TENM4: variants seen among roughly 807,000 people sequenced by gnomAD.
TENM4 encodes the protein teneurin transmembrane protein 4, also known as teneurin-4.
In TENM4, 82 loss-of-function variants were observed where a neutral mutation model predicts 243.3. The observed-to-expected ratio is 0.34, with a 90% CI of 0.28 to 0.40. The LOEUF is 0.40. Among genes scored for constraint, TENM4 ranks in the 10% least tolerant of loss-of-function variants. The probability of loss-of-function intolerance (pLI) is 1.00; values close to 1 mark genes in which losing one functional copy is unlikely to be tolerated. For synonymous variants in TENM4, 1,412 were observed against 1,456.3 expected (o/e 0.97, Z 0.69); for missense variants, 3,138 against 3,673.3 (o/e 0.85, Z 3.77).
chr11:78,815,905 C>T (rs1857595891), intron 12 of TENM4, among the ~76,000 whole-genome samples: 1 of 152,244 alleles, frequency 6.6e-6, no homozygotes, highest in Non-Finnish European at 1.5e-5. Context: ...TCGGGCTCCA[C>T]GCCTGGCCTT....
intron 4 of TENM4, among the ~76,000 whole-genome samples, chr11:79,079,815 C>T (rs1034015588): frequency 2.3e-5 from 3 of 130,030 alleles, no homozygotes; most frequent in African/African-American, 9.1e-5. Flanking sequence ...CTGAGCAACA[C>T]AGTGACACTT....
At chr11:78,667,889 C>G (rs1412593734) in intron 32 of TENM4, among the ~76,000 whole-genome samples, 1 of 152,196 alleles carries the variant, frequency 6.6e-6, no homozygotes, top group African/African-American at 2.4e-5. Flanking sequence ...GGGCTTTACC[C>G]AAACCCCCAC....
intron 3 of TENM4, among the ~76,000 whole-genome samples, chr11:79,179,057 C>T (rs1863230779): frequency 6.6e-6 from 1 of 152,198 alleles, no homozygotes; most frequent in South Asian, 2.1e-4. Flanking sequence ...GACGTCAGTA[C>T]CTTTAATTGC....
At chr11:79,359,096 T>C (rs959609763) in intron 1 of TENM4, among the ~76,000 whole-genome samples, 1 of 152,010 alleles carries the variant, frequency 6.6e-6, no homozygotes, top group Non-Finnish European at 1.5e-5. Context: ...CAAGACCCCA[T>C]CTGTACAAAG....
intron 4 of TENM4, among the ~76,000 whole-genome samples, chr11:79,143,228 T>C (rs7931788): frequency 0.29 from 44,019 of 151,930 alleles, 8,108 homozygotes; most frequent in African/African-American, 0.53. Flanking sequence ...CATGCACACG[T>C]ATGTTTATTG....
At chr11:78,946,710 G>A (rs1857008214) in intron 6 of TENM4, among the ~76,000 whole-genome samples, 1 of 152,184 alleles carries the variant, frequency 6.6e-6, no homozygotes. Flanking sequence ...CATAGGAGAG[G>A]GGTGAAATAT....
chr11:79,186,664 G>A (rs550161276), intron 3 of TENM4, among the ~76,000 whole-genome samples: 1 of 152,286 alleles, frequency 6.6e-6, no homozygotes, highest in African/African-American at 2.4e-5. Context: ...ATTAAATATT[G>A]GGGGATTGGG....
intron 12 of TENM4, among the ~76,000 whole-genome samples, chr11:78,844,460 G>A (rs1056719836): frequency 2.0e-5 from 3 of 152,138 alleles, no homozygotes; most frequent in South Asian, 2.1e-4. Flanking sequence ...TGGCCAACAT[G>A]GTGAAACCCC....
At chr11:79,272,134 C>T (rs1855979571) in intron 2 of TENM4, among the ~76,000 whole-genome samples, 1 of 152,160 alleles carries the variant, frequency 6.6e-6, no homozygotes, top group South Asian at 2.1e-4. Context: ...CCTCCCACAT[C>T]CCACCTCCCA....
intron 1 of TENM4, among the ~76,000 whole-genome samples, chr11:79,399,673 T>C (rs1858416403): frequency 6.6e-6 from 1 of 151,964 alleles, no homozygotes; most frequent in Non-Finnish European, 1.5e-5. Context: ...TGGAAACACA[T>C]ACATTCACAT....
intron 22 of TENM4, among the ~76,000 whole-genome samples, chr11:78,726,575 T>C (rs1478877134): frequency 6.6e-6 from 1 of 152,194 alleles, no homozygotes; most frequent in South Asian, 2.1e-4. Context: ...TCCCCAGTGT[T>C]GGAGGTGGGG....
chr11:79,277,391 A>G (rs1210473231), intron 2 of TENM4, among the ~76,000 whole-genome samples: 2 of 152,172 alleles, frequency 1.3e-5, no homozygotes, highest in East Asian at 1.9e-4. Context: ...CAATAACTCT[A>G]TGAGAGGGGT....
chr11:78,952,935 C>CTGAA (rs1296421978), intron 6 of TENM4, among the ~76,000 whole-genome samples: 1 of 152,144 alleles, frequency 6.6e-6, no homozygotes, highest in Admixed American at 6.5e-5. Context: ...ACTGGGGCAT[C>CTGAA]TGAAGAAGGG....
intron 26 of TENM4, among the ~76,000 whole-genome samples, chr11:78,710,515 A>G (rs1223920556): frequency 6.6e-6 from 1 of 152,232 alleles, no homozygotes; most frequent in Non-Finnish European, 1.5e-5. Context: ...CCTGTCGTGA[A>G]TGTACATTAA....
At chr11:78,967,843 G>A (rs567518234) in intron 6 of TENM4, among the ~76,000 whole-genome samples, 29 of 152,336 alleles carry the variant, frequency 1.9e-4, no homozygotes, top group Non-Finnish European at 3.4e-4. Context: ...AACCATCCAG[G>A]TTTCTAGAGA....
chr11:79,065,646 G>A (rs892684571), intron 5 of TENM4, among the ~76,000 whole-genome samples: 1 of 152,194 alleles, frequency 6.6e-6, no homozygotes, highest in Non-Finnish European at 1.5e-5. Flanking sequence ...AGAAGATGGG[G>A]ACTGGCAGAG....
At chr11:79,115,836 C>T (rs1398362072) in intron 4 of TENM4, among the ~76,000 whole-genome samples, 1 of 152,190 alleles carries the variant, frequency 6.6e-6, no homozygotes, top group African/African-American at 2.4e-5. Context: ...GGCACCTCAC[C>T]TATCCCTCAC....
intron 21 of TENM4, among the ~76,000 whole-genome samples, chr11:78,729,850 A>G (rs1855609837): frequency 6.6e-6 from 1 of 152,104 alleles, no homozygotes; most frequent in African/African-American, 2.4e-5. Context: ...AGGGAAAAGC[A>G]TAAATGAGAT....
At chr11:79,072,534 AT>A (rs1201339691) in intron 4 of TENM4, among the ~76,000 whole-genome samples, 2 of 152,130 alleles carry the variant, frequency 1.3e-5, no homozygotes, top group African/African-American at 4.8e-5. Flanking sequence ...CACTACACAC[AT>A]TGATGTATGC....
Sources: allele counts gnomAD v4.1 joint callset (sites outside exome capture counted in the v4.1 genomes callset), GRCh38; gene constraint gnomAD v4.1.1; transcripts MANE v1.5; gene names NCBI Gene and HGNC (gene_info 2026-07-23, HGNC 2026-07-21).